PEX5L: variants seen among roughly 807,000 people sequenced by gnomAD.
PEX5L encodes the protein PEX5-related protein.
PEX5L carries 30 observed loss-of-function variants against 84.0 expected under a neutral mutation model. The observed-to-expected ratio is 0.36, with a 90% CI of 0.27 to 0.48. The LOEUF is 0.48. PEX5L is among the 20% of genes least tolerant of loss of function. The pLI, the probability that PEX5L is intolerant of heterozygous loss-of-function variation, is 0.99. For missense variants in PEX5L, 533 were observed against 754.6 expected (o/e 0.71, Z 3.44); for synonymous variants, 270 against 283.1 (o/e 0.95, Z 0.46).
intron 1 of PEX5L, chr3:179,973,836 G>GA: frequency 3.0e-6 from 3 of 985,344 alleles, no homozygotes; most frequent in Non-Finnish European, 3.6e-6. Flanking sequence ...CCAAGAGTGG[G>GA]AGGAGGCATT....
chr3:179,860,348 T>C (rs912835076), intron 7 of PEX5L, among the ~76,000 whole-genome samples: 1 of 152,184 alleles, frequency 6.6e-6, no homozygotes, highest in African/African-American at 2.4e-5. Context: ...CCTTTTATTA[T>C]AGAGTGGAGG....
intron 2 of PEX5L, among the ~76,000 whole-genome samples, chr3:179,920,018 G>A (rs1768747731): frequency 6.6e-6 from 1 of 152,170 alleles, no homozygotes; most frequent in Non-Finnish European, 1.5e-5. Flanking sequence ...TTTAAAGATA[G>A]TAGTTAAGTT....
intron 2 of PEX5L, among the ~76,000 whole-genome samples, chr3:179,964,487 A>T (rs1182753699): frequency 6.6e-6 from 1 of 152,216 alleles, no homozygotes; most frequent in Non-Finnish European, 1.5e-5. Context: ...ACAGCAAAAG[A>T]AACTGTCAAC....
At chr3:179,902,258 C>T (rs1402872852) in intron 2 of PEX5L, among the ~76,000 whole-genome samples, 1 of 152,160 alleles carries the variant, frequency 6.6e-6, no homozygotes, top group African/African-American at 2.4e-5. Flanking sequence ...ACCTGTTTTC[C>T]AGGCTTTTCT....
At chr3:179,992,884 G>GTTTATGTATGTA (rs142873481) in intron 1 of PEX5L, among the ~76,000 whole-genome samples, 1 of 151,772 alleles carries the variant, frequency 6.6e-6, no homozygotes, top group Non-Finnish European at 1.5e-5. Context: ...GTATGTATGT[G>GTTTATGTATGTA]TCTATGTATG....
chr3:179,944,386 G>T (rs1250264485), intron 2 of PEX5L, among the ~76,000 whole-genome samples: 1 of 152,184 alleles, frequency 6.6e-6, no homozygotes, highest in Non-Finnish European at 1.5e-5. Flanking sequence ...TTCAAATCCA[G>T]TCTTGGACAC....
At chr3:179,916,816 C>T (rs1292175568) in intron 2 of PEX5L, among the ~76,000 whole-genome samples, 1 of 151,944 alleles carries the variant, frequency 6.6e-6, no homozygotes, top group Non-Finnish European at 1.5e-5. Flanking sequence ...ATTACAGGTG[C>T]ACACCACCAC....
intron 3 of PEX5L, among the ~76,000 whole-genome samples, chr3:179,891,510 C>T (rs1351366051): frequency 2.0e-5 from 3 of 152,056 alleles, no homozygotes; most frequent in Admixed American, 6.6e-5. Flanking sequence ...TATGAAGATA[C>T]GGAAATCTTT....
chr3:179,942,795 A>C (rs186560976), intron 2 of PEX5L, among the ~76,000 whole-genome samples: 42 of 152,294 alleles, frequency 2.8e-4, no homozygotes, highest in Middle Eastern at 6.8e-3. Context: ...AGCTAGAACA[A>C]CCAAAGGACG....
chr3:179,945,778 C>G (rs746872763), intron 2 of PEX5L, among the ~76,000 whole-genome samples: 1 of 152,206 alleles, frequency 6.6e-6, no homozygotes, highest in Non-Finnish European at 1.5e-5. Flanking sequence ...TGCTGGACAG[C>G]TCTGATAGGA....
chr3:179,906,747 G>A (rs1273301830), intron 2 of PEX5L, among the ~76,000 whole-genome samples: 3 of 152,066 alleles, frequency 2.0e-5, no homozygotes, highest in African/African-American at 7.2e-5. Context: ...AAAGGAAAAT[G>A]ACTAAAATAC....
chr3:179,826,190 A>C (rs570764262), intron 8 of PEX5L, among the ~76,000 whole-genome samples: 1 of 152,338 alleles, frequency 6.6e-6, no homozygotes, highest in South Asian at 2.1e-4. Flanking sequence ...GTTTGGTAGA[A>C]GGAAATCAAG....
intron 10 of PEX5L, among the ~76,000 whole-genome samples, chr3:179,815,268 A>G (rs1725595038): frequency 6.6e-6 from 1 of 152,238 alleles, no homozygotes; most frequent in Admixed American, 6.5e-5. Context: ...CTGTCCCTTG[A>G]AAACTACCGC....
chr3:179,811,931 G>A, intron 10 of PEX5L, 60 bp from the exon 11 acceptor site: 1 of 1,347,356 alleles, frequency 7.4e-7, no homozygotes, highest in Non-Finnish European at 1.1e-6. Flanking sequence ...ATGTGCTTCA[G>A]TTGGTTTGTT....
chr3:179,905,605 A>T (rs1342604604), intron 2 of PEX5L, among the ~76,000 whole-genome samples: 2 of 151,516 alleles, frequency 1.3e-5, no homozygotes, highest in Non-Finnish European at 2.9e-5. Flanking sequence ...TTAGTCTATT[A>T]GTCTTTAAAA....
intron 4 of PEX5L, among the ~76,000 whole-genome samples, chr3:179,884,592 A>G (rs1755175454): frequency 6.6e-6 from 1 of 152,220 alleles, no homozygotes; most frequent in South Asian, 2.1e-4. Flanking sequence ...GTGACAATAG[A>G]AAACTAATAT....
At chr3:179,851,730 G>A (rs1741977317) in intron 8 of PEX5L, among the ~76,000 whole-genome samples, 1 of 152,200 alleles carries the variant, frequency 6.6e-6, no homozygotes, top group East Asian at 1.9e-4. Context: ...AGGTCTAGGA[G>A]CTTTGCAGAA....
At chr3:179,997,817 T>C (rs1435799314) in intron 1 of PEX5L, among the ~76,000 whole-genome samples, 1 of 152,218 alleles carries the variant, frequency 6.6e-6, no homozygotes, top group East Asian at 1.9e-4. Context: ...AATGCCTTTT[T>C]CTCCATTCCT....
chr3:179,991,393 T>C (rs150509852), intron 1 of PEX5L, among the ~76,000 whole-genome samples: 2 of 152,324 alleles, frequency 1.3e-5, no homozygotes, highest in East Asian at 3.9e-4. Flanking sequence ...TCACAGCTGC[T>C]GGGCAATTTC....
Sources: gnomAD v4.1 joint callset for allele counts (sites outside exome capture counted in the v4.1 genomes callset) on GRCh38, gnomAD v4.1.1 for gene constraint, MANE v1.5 for transcripts, NCBI Gene and HGNC (gene_info 2026-07-23, HGNC 2026-07-21) for gene names.